Variants in TBC1D5 observed in about 807,000 individuals in gnomAD.
TBC1D5 encodes the protein TBC1 domain family, member 5.
In TBC1D5, 75 loss-of-function variants were observed where a neutral mutation model predicts 100.3. That is an observed-to-expected ratio of 0.75 (90% confidence interval 0.62 to 0.91). The LOEUF is 0.91. Among genes scored for constraint, TBC1D5 ranks in the 40% least tolerant of loss-of-function variants. The probability of loss-of-function intolerance (pLI) is 0.00; values close to 1 mark genes in which losing one functional copy is unlikely to be tolerated. For synonymous variants in TBC1D5, 323 were observed against 325.6 expected (o/e 0.99, Z 0.09); for missense variants, 910 against 942.4 (o/e 0.97, Z 0.45).
At chr3:17,464,374 TTTA>T (rs1200549642) in intron 3 of TBC1D5, among the ~76,000 whole-genome samples, 1 of 152,282 alleles carries the variant, frequency 6.6e-6, no homozygotes, top group East Asian at 1.9e-4. Context: ...ATGCATCCAT[TTTA>T]TTGTGTTTTT....
At chr3:17,554,597 G>A (rs112399140) in intron 2 of TBC1D5, among the ~76,000 whole-genome samples, 3 of 152,170 alleles carry the variant, frequency 2.0e-5, no homozygotes, top group African/African-American at 7.2e-5. Flanking sequence ...ACCAACAAAG[G>A]TTACTGACGA....
intron 13 of TBC1D5, among the ~76,000 whole-genome samples, chr3:17,334,941 GCCAATCAGCTTAGAAATAATA>G (rs1383773609): frequency 3.3e-5 from 5 of 152,040 alleles, no homozygotes; most frequent in African/African-American, 1.2e-4. Context: ...GCACAGATAA[GCCAATCAGCTTAGAAATAATA>G]CTAAAATCTG....
chr3:17,472,910 T>C (rs1256814095), intron 3 of TBC1D5, among the ~76,000 whole-genome samples: 1 of 152,204 alleles, frequency 6.6e-6, no homozygotes, highest in Non-Finnish European at 1.5e-5. Flanking sequence ...CATCAGAATA[T>C]CTGTGGCTGA....
chr3:17,246,613 C>A (rs2076758600), intron 16 of TBC1D5, among the ~76,000 whole-genome samples: 1 of 152,160 alleles, frequency 6.6e-6, no homozygotes, highest in Non-Finnish European at 1.5e-5. Context: ...TGATTTTCAA[C>A]CAATGATCCA....
At chr3:17,175,687 G>C (rs2067643265) in intron 19 of TBC1D5, among the ~76,000 whole-genome samples, 1 of 152,100 alleles carries the variant, frequency 6.6e-6, no homozygotes. Context: ...CAGCAGTTTG[G>C]GTGTGACTGC....
chr3:17,201,640 G>A (rs2071473275), intron 18 of TBC1D5, among the ~76,000 whole-genome samples: 1 of 152,108 alleles, frequency 6.6e-6, no homozygotes, highest in East Asian at 1.9e-4. Context: ...TGGATTACAG[G>A]GGTGGATTTC....
At chr3:17,445,801 T>A (rs1194591500) in intron 3 of TBC1D5, among the ~76,000 whole-genome samples, 1 of 152,216 alleles carries the variant, frequency 6.6e-6, no homozygotes, top group African/African-American at 2.4e-5. Context: ...TTCAGTACTA[T>A]CTGTGATTTC....
chr3:17,163,667 A>C (rs2066308134), intron 21 of TBC1D5, among the ~76,000 whole-genome samples: 1 of 152,190 alleles, frequency 6.6e-6, no homozygotes, highest in Non-Finnish European at 1.5e-5. Flanking sequence ...TTGTAGAAGC[A>C]GGTGAGCCCA....
intron 21 of TBC1D5, among the ~76,000 whole-genome samples, chr3:17,165,380 A>G (rs894028855): frequency 5.3e-5 from 8 of 152,266 alleles, no homozygotes; most frequent in African/African-American, 1.9e-4. Context: ...TTAGAAATGC[A>G]TTGTGGTTGG....
At chr3:17,462,852 G>A (rs1259704607) in intron 3 of TBC1D5, among the ~76,000 whole-genome samples, 1 of 152,108 alleles carries the variant, frequency 6.6e-6, no homozygotes, top group African/African-American at 2.4e-5. Context: ...AATGAAATGT[G>A]CCATGACCTA....
chr3:17,498,080 A>G (rs1388194578), intron 3 of TBC1D5, among the ~76,000 whole-genome samples: 1 of 152,138 alleles, frequency 6.6e-6, no homozygotes, highest in Non-Finnish European at 1.5e-5. Flanking sequence ...TCATAATATT[A>G]ATTTTTATGA....
chr3:17,367,729 G>A (rs1054688982), intron 13 of TBC1D5, among the ~76,000 whole-genome samples: 4 of 151,852 alleles, frequency 2.6e-5, no homozygotes, highest in Non-Finnish European at 4.4e-5. Flanking sequence ...TGTGGTGGTG[G>A]GCGTCTATAA....
chr3:17,367,396 T>C (rs867855183), intron 13 of TBC1D5, among the ~76,000 whole-genome samples: 1 of 152,166 alleles, frequency 6.6e-6, no homozygotes, highest in Non-Finnish European at 1.5e-5. Context: ...CTTATGCTTA[T>C]ACTAAAAAAT....
At chr3:17,424,378 T>C (rs974262148) in intron 4 of TBC1D5, among the ~76,000 whole-genome samples, 2 of 152,172 alleles carry the variant, frequency 1.3e-5, no homozygotes, top group Non-Finnish European at 2.9e-5. Context: ...AGTCACTAAG[T>C]TAAACATCTT....
In TBC1D5 at chr3:17,162,110, C is replaced by T. The variant is rs147972864; in HGVS notation, c.2095-854G>A. On this transcript the variant is annotated intron_variant, in intron 21 of 21. Transcript: ENST00000253692. ...AAGTTCGACCAAGGACATCCAGTGCCAGCCTGGCAGAAAGAACACCTCACC... is the reference window on the plus strand; with the variant it reads ...AAGTTCGACCAAGGACATCCAGTGCTAGCCTGGCAGAAAGAACACCTCACC... Among the ~76,000 whole-genome samples the T allele has an allele frequency of 5.3e-3, 806 of 152,324 alleles. 7 individuals carry two copies. Among genetic ancestry groups the T allele is most frequent in the African/African-American group, 0.017 (716 of 41,582 alleles).
chr3:17,361,053 T>C (rs1244282820), intron 13 of TBC1D5, among the ~76,000 whole-genome samples: 1 of 152,072 alleles, frequency 6.6e-6, no homozygotes, highest in Non-Finnish European at 1.5e-5. Flanking sequence ...GTCCTTTAGC[T>C]ACAGTATATC....
intron 2 of TBC1D5, among the ~76,000 whole-genome samples, chr3:17,593,314 CA>C (rs1341365874): frequency 6.6e-6 from 1 of 152,148 alleles, no homozygotes; most frequent in Non-Finnish European, 1.5e-5. Context: ...GGCCCATGAA[CA>C]AAGTGGTCAT....
At chr3:17,533,340 T>C (rs1026728798) in intron 2 of TBC1D5, among the ~76,000 whole-genome samples, 2 of 152,196 alleles carry the variant, frequency 1.3e-5, no homozygotes, top group Non-Finnish European at 2.9e-5. Flanking sequence ...TAATCACATT[T>C]AAAAATCTTA....
At chr3:17,741,853 C>T (rs1233152592), upstream of TBC1D5, among the ~76,000 whole-genome samples, 1 of 134,766 alleles carries the variant, frequency 7.4e-6, no homozygotes, top group Non-Finnish European at 1.5e-5. Flanking sequence ...GAAAGACCTC[C>T]GTTTCTTACG....
Sources: gnomAD v4.1 joint callset for allele counts (sites outside exome capture counted in the v4.1 genomes callset) on GRCh38, gnomAD v4.1.1 for gene constraint, MANE v1.5 for transcripts, NCBI Gene and HGNC (gene_info 2026-07-23, HGNC 2026-07-21) for gene names.